The following CASP5 variants were observed in gnomAD, a reference collection of about 807,000 sequenced individuals.
The protein encoded by CASP5 is caspase 5, also known as caspase-5.
Under a neutral mutation model 45.2 loss-of-function variants are expected in CASP5, and 42 were observed. That is an observed-to-expected ratio of 0.93 (90% CI 0.73 to 1.20). CASP5 has a LOEUF of 1.20. Among genes scored for constraint, CASP5 ranks in the 50% most tolerant of loss-of-function variants. The pLI is 0.00. For missense variants in CASP5, 512 were observed against 532.2 expected (o/e 0.96, Z 0.37); for synonymous variants, 209 against 186.2 (o/e 1.12, Z -1.00).
intron 3 of CASP5, among the ~76,000 whole-genome samples, chr11:105,005,172 T>C (rs1461515047): frequency 1.3e-5 from 2 of 152,132 alleles, no homozygotes; most frequent in Non-Finnish European, 2.9e-5. Flanking sequence ...TTGAGTCTTA[T>C]CTATTATCTA....
intron 1 of CASP5, among the ~76,000 whole-genome samples, chr11:105,009,718 CACATATATATATATATATATATAT>C (rs1333990502): frequency 6.0e-5 from 5 of 83,554 alleles, no homozygotes; most frequent in African/African-American, 2.4e-4. Context: ...TATATATACA[CACATATATATATATATATATATAT>C]ATATATATAT....
At chr11:105,004,016 T>C (rs1187457962) in intron 3 of CASP5, among the ~76,000 whole-genome samples, 1 of 152,102 alleles carries the variant, frequency 6.6e-6, no homozygotes, top group Non-Finnish European at 1.5e-5. Context: ...TACAGATACA[T>C]GTATACAACA....
At chr11:105,000,668 T>C (rs906399047) in intron 5 of CASP5, among the ~76,000 whole-genome samples, 173 bp from the exon 6 acceptor site, 5 of 152,156 alleles carry the variant, frequency 3.3e-5, no homozygotes, top group African/African-American at 7.2e-5. Flanking sequence ...GTTTTTTTTT[T>C]CCTTTGTAAT....
rs114434379 is a variant in CASP5 at position 105,022,831 on chromosome 11, G to C, written c.7+299C>G. ...TTTCAGAGTGCATTTAGAAATTTCC[G>C]GAGTTTTCTCACACAAATAACTTAC... On this transcript the variant is annotated intron_variant, in intron 1 of 9. Transcript: ENST00000260315. Among the ~76,000 whole-genome samples, 502 of 152,134 alleles carry C rather than the reference G, an allele frequency of 3.3e-3. 4 individuals carry two copies. Among genetic ancestry groups the C allele is most frequent in the African/African-American group, 0.012 (487 of 41,512 alleles).
chr11:105,021,381 A>C (rs929606284), intron 1 of CASP5, among the ~76,000 whole-genome samples: 4 of 146,688 alleles, frequency 2.7e-5, no homozygotes, highest in African/African-American at 9.8e-5. Context: ...CAACCTACAA[A>C]ATGGGAGAAA....
intron 1 of CASP5, among the ~76,000 whole-genome samples, chr11:105,017,665 C>G (rs553835051): frequency 6.6e-6 from 1 of 151,744 alleles, no homozygotes; most frequent in Non-Finnish European, 1.5e-5. Flanking sequence ...GTGAAAAGAC[C>G]AAATCTACGT....
At chr11:104,999,107 A>G in intron 6 of CASP5, 79 bp from the exon 7 acceptor site, 3 of 1,293,526 alleles carry the variant, frequency 2.3e-6, no homozygotes, top group South Asian at 1.4e-5. Context: ...TAGGTTTGTT[A>G]CATAGTTACG....
chr11:105,016,399 G>T (rs1862592713), intron 1 of CASP5, among the ~76,000 whole-genome samples: 1 of 152,162 alleles, frequency 6.6e-6, no homozygotes, highest in Non-Finnish European at 1.5e-5. Context: ...TGAGGTACCG[G>T]GTTCATCTCA....
intron 1 of CASP5, among the ~76,000 whole-genome samples, chr11:105,021,483 T>A (rs1398240213): frequency 1.3e-5 from 2 of 149,954 alleles, no homozygotes; most frequent in Non-Finnish European, 3.0e-5. Flanking sequence ...AACAACCCCA[T>A]CAAAAAGTGG....
rs112680102 is a variant in CASP5 at position 105,007,313 on chromosome 11, G to GTT, written c.201_202dup (p.Thr68LysfsTer27). The GTT allele has an allele frequency of 7.0e-4, 921 of 1,323,116 alleles. 3 individuals are homozygous for GTT. The African/African-American group carries it at 0.012, about 17-fold the overall frequency. 82.0% of individuals were successfully genotyped at this position (1,323,116 alleles called of 1,614,324 possible). On this transcript the variant is annotated frameshift_variant, in exon 3 of 10. Transcript: ENST00000260315. LOFTEE classifies it high-confidence loss of function. ...GCCCAGGTATTCCAACATCTTAACT[G>GTT]TTTTTTTTTTGTGGTTGTCTTCTGT...
chr11:104,995,874 G>C, intron 8 of CASP5, 32 bp from the exon 9 acceptor site: 5 of 1,388,930 alleles, frequency 3.6e-6, no homozygotes, highest in Non-Finnish European at 5.1e-6. Context: ...GAGATATGAG[G>C]GATTTTGGGT....
chr11:105,000,812 CAT>C (rs1388042602), intron 5 of CASP5, among the ~76,000 whole-genome samples: 1 of 152,132 alleles, frequency 6.6e-6, no homozygotes, highest in Non-Finnish European at 1.5e-5. Flanking sequence ...TAACAAGAGT[CAT>C]GTGTTATAAA....
rs1565378255 is a variant in CASP5 at position 104,995,753 on chromosome 11, A to G, written c.1296T>C (p.Pro432=). The part of the protein sequence containing the change: ...ATLTRDFYLF[P]GN Reference sequence around the variant, plus strand: ...CTCAATACTTACATTTTCAATTGCCAGGAAAGAGGTAGAAATCTCTTGTCA... The same window carrying G: ...CTCAATACTTACATTTTCAATTGCCGGGAAAGAGGTAGAAATCTCTTGTCA... The change falls in exon 9 of 10, where the codon CCT becomes CCC. Residue 432 remains proline, a synonymous_variant. Coordinates refer to ENST00000260315, the MANE Select transcript of CASP5 (RefSeq NM_004347.5). 1.2e-6 allele frequency: 2 copies of G among 1,606,216 alleles called. No homozygotes were observed. Among genetic ancestry groups the G allele is most frequent in the Non-Finnish European group, 1.7e-6 (2 of 1,173,380 alleles).
chr11:105,005,588 G>A (rs1333590108), intron 3 of CASP5, among the ~76,000 whole-genome samples: 1 of 152,026 alleles, frequency 6.6e-6, no homozygotes, highest in East Asian at 1.9e-4. Context: ...TTCTGGGATC[G>A]ATCATTCTGG....
intron 6 of CASP5, among the ~76,000 whole-genome samples, chr11:104,999,286 T>C (rs1308490057): frequency 6.6e-6 from 1 of 152,164 alleles, no homozygotes; most frequent in East Asian, 1.9e-4. Flanking sequence ...CCCTCACTTA[T>C]AAGTGAGAAC....
At chr11:105,009,296 A>T (rs1204674555) in intron 1 of CASP5, among the ~76,000 whole-genome samples, 1 of 151,864 alleles carries the variant, frequency 6.6e-6, no homozygotes, top group Admixed American at 6.6e-5. Flanking sequence ...GCTCAAACTC[A>T]TGATGACCTA....
chr11:105,014,351 A>G (rs1388527112), intron 1 of CASP5, among the ~76,000 whole-genome samples: 4 of 151,942 alleles, frequency 2.6e-5, no homozygotes, highest in African/African-American at 9.7e-5. Context: ...TGTCAGAGGT[A>G]CATGCCCCTA....
At chr11:105,011,188 T>C (rs1862329098) in intron 1 of CASP5, among the ~76,000 whole-genome samples, 1 of 151,798 alleles carries the variant, frequency 6.6e-6, no homozygotes, top group African/African-American at 2.4e-5. Context: ...TAATGGAATG[T>C]CTACTCTGCC....
chr11:104,996,431 T>G (rs1372144783), intron 8 of CASP5, among the ~76,000 whole-genome samples: 1 of 152,214 alleles, frequency 6.6e-6, no homozygotes, highest in African/African-American at 2.4e-5. Context: ...CAGTTCTCTA[T>G]TCACAGAAAC....
Sources: allele counts gnomAD v4.1 joint callset (sites outside exome capture counted in the v4.1 genomes callset), GRCh38; gene constraint gnomAD v4.1.1; transcripts MANE v1.5; gene names NCBI Gene and HGNC (gene_info 2026-07-23, HGNC 2026-07-21).